TRIM9: variants seen among roughly 807,000 people sequenced by gnomAD.
The protein encoded by TRIM9 is tripartite motif containing 9.
A neutral mutation model predicts 78.3 loss-of-function variants in TRIM9; 26 were observed. The ratio of observed to expected loss-of-function variants is 0.33; its 90% CI spans 0.24 to 0.46. The LOEUF (loss-of-function observed/expected upper bound fraction) is 0.46, where lower values mean the gene tolerates loss of function less well. Among genes scored for constraint, TRIM9 ranks in the 20% least tolerant of loss-of-function variants. TRIM9 has a pLI of 1.00. For synonymous variants in TRIM9, 398 were observed against 416.5 expected, an observed-to-expected ratio of 0.96 and a Z score of 0.54; for missense variants, 787 against 1,036.4, an observed-to-expected ratio of 0.76 and a Z score of 3.30.
chr14:51,064,571 A>C (rs1444782688), intron 1 of TRIM9, among the ~76,000 whole-genome samples: 3 of 152,042 alleles, frequency 2.0e-5, no homozygotes, highest in Non-Finnish European at 2.9e-5. Context: ...AGAATAACAG[A>C]AATATTTCAA....
intron 1 of TRIM9, among the ~76,000 whole-genome samples, chr14:51,048,496 G>A (rs2060127410): frequency 6.6e-6 from 1 of 152,204 alleles, no homozygotes; most frequent in Non-Finnish European, 1.5e-5. Flanking sequence ...GTGTGTCCTA[G>A]TGAAAGTCAT....
chr14:51,088,498 T>C (rs767198779), intron 1 of TRIM9, among the ~76,000 whole-genome samples: 8 of 152,188 alleles, frequency 5.3e-5, no homozygotes, highest in Non-Finnish European at 1.0e-4. Flanking sequence ...AAAAGAATTG[T>C]GGAGTGCTCA....
chr14:51,044,719 A>C (rs1302489141), intron 1 of TRIM9, among the ~76,000 whole-genome samples: 1 of 152,206 alleles, frequency 6.6e-6, no homozygotes, highest in Non-Finnish European at 1.5e-5. Flanking sequence ...TGAGTGAAGA[A>C]TAAATCATGA....
In TRIM9 at chr14:51,067,100, T is replaced by C. The variant is rs574144317; in HGVS notation, c.822+27018A>G. Among the ~76,000 whole-genome samples the C allele has an allele frequency of 7.9e-5, 12 of 152,314 alleles. No homozygotes were observed. The South Asian group carries it at 2.5e-3, about 32-fold the overall frequency. On this transcript the variant is annotated intron_variant, in intron 1 of 12. Transcript: ENST00000684578. ...TGTACTCTCCATCTTCACCTGTATG[T>C]CTATGAGCACCTCAAATTTAACTTG...
chr14:51,006,724 G>T lies in TRIM9; in HGVS notation c.1306+2356C>A, dbSNP rs181635410. Among the ~76,000 whole-genome samples, 279 of 152,294 alleles carry T rather than the reference G, an allele frequency of 1.8e-3. 2 individuals are homozygous for T. The highest frequency in any genetic ancestry group is 0.017 in the Admixed American group (257 of 15,298). ...AAATGGCCTGTTAGGTTAACTTCAT[G>T]AATCATTGTTCTGTTTTTTGTGTGG... On this transcript the variant is annotated intron_variant, in intron 5 of 12. Transcript: ENST00000684578.
chr14:50,995,751 C>T (rs2054129428), intron 7 of TRIM9, among the ~76,000 whole-genome samples: 1 of 151,858 alleles, frequency 6.6e-6, no homozygotes, highest in Non-Finnish European at 1.5e-5. Flanking sequence ...CGCACCACCC[C>T]ACCACCCCCA....
chr14:51,026,658 T>A (rs1027216795), intron 1 of TRIM9, among the ~76,000 whole-genome samples: 4 of 152,190 alleles, frequency 2.6e-5, no homozygotes, highest in African/African-American at 9.6e-5. Context: ...GCTTTTCTCT[T>A]ATATTTGTCT....
chr14:50,988,338 T>C (rs9944003), intron 7 of TRIM9: 51,951 of 151,972 alleles, frequency 0.34, 9,338 homozygotes, highest in Middle Eastern at 0.41. Flanking sequence ...AAATTGTACT[T>C]ACCTTTTCTA....
chr14:51,066,020 T>A (rs116819918), intron 1 of TRIM9, among the ~76,000 whole-genome samples: 6 of 150,278 alleles, frequency 4.0e-5, no homozygotes, highest in Non-Finnish European at 8.9e-5. Context: ...ATTATTTTCA[T>A]TGGCGTGCAA....
chr14:50,977,466 A>C (rs2139251940), intron 12 of TRIM9, 113 bp from the exon 13 acceptor site: 1 of 740,944 alleles, frequency 1.3e-6, no homozygotes, highest in Non-Finnish European at 1.9e-6. Context: ...CTTCGCTTTA[A>C]ACATCTAGGC....
chr14:51,006,072 A>C (rs2055760953), intron 5 of TRIM9, among the ~76,000 whole-genome samples: 1 of 152,238 alleles, frequency 6.6e-6, no homozygotes, highest in Non-Finnish European at 1.5e-5. Context: ...TTTTGAAACC[A>C]GAGATGTTTG....
At chr14:51,073,780 T>A (rs2062513087) in intron 1 of TRIM9, among the ~76,000 whole-genome samples, 1 of 152,246 alleles carries the variant, frequency 6.6e-6, no homozygotes, top group Non-Finnish European at 1.5e-5. Context: ...CATGATTTCT[T>A]CACTAAAAAT....
intron 1 of TRIM9, among the ~76,000 whole-genome samples, chr14:51,081,381 T>G (rs1486854129): frequency 6.6e-6 from 1 of 152,186 alleles, no homozygotes; most frequent in Non-Finnish European, 1.5e-5. Flanking sequence ...ATTCGATCAC[T>G]CATACACTGC....
At chr14:50,998,239 G>A in intron 6 of TRIM9, 51 bp from the exon 7 acceptor site, 1 of 1,575,170 alleles carries the variant, frequency 6.3e-7, no homozygotes, top group Non-Finnish European at 8.7e-7. Context: ...CCTTCTGAGG[G>A]GCGAGGGAGG....
At chr14:51,093,851 C>T (rs966963542) in intron 1 of TRIM9, among the ~76,000 whole-genome samples, 11 of 152,262 alleles carry the variant, frequency 7.2e-5, no homozygotes, top group African/African-American at 2.7e-4. Flanking sequence ...AGGGGGCGCC[C>T]TGAGTCCCGC....
intron 1 of TRIM9, among the ~76,000 whole-genome samples, chr14:51,085,158 C>A (rs573730289): frequency 2.8e-4 from 43 of 152,260 alleles, no homozygotes; most frequent in South Asian, 2.5e-3. Flanking sequence ...TCTTAAAGTG[C>A]AGGCTGCAAG....
intron 1 of TRIM9, among the ~76,000 whole-genome samples, chr14:51,081,306 C>T (rs1004849255): frequency 3.3e-5 from 5 of 152,186 alleles, no homozygotes; most frequent in African/African-American, 1.2e-4. Flanking sequence ...CTTCACCTCA[C>T]ATCCACTAGA....
At chr14:50,986,201 C>T (rs986038942) in intron 7 of TRIM9, 57 bp from the exon 8 acceptor site, 12 of 1,356,672 alleles carry the variant, frequency 8.8e-6, no homozygotes, top group Non-Finnish European at 1.2e-5. Context: ...TGTCCCCGTG[C>T]ACGGTTCCCC....
intron 6 of TRIM9, among the ~76,000 whole-genome samples, chr14:50,999,092 C>T (rs1029364843): frequency 6.6e-6 from 1 of 152,118 alleles, no homozygotes; most frequent in Admixed American, 6.6e-5. Flanking sequence ...AGTTGCTGAT[C>T]CAGTAGGTGT....
Sources: gnomAD v4.1 joint callset for allele counts (sites outside exome capture counted in the v4.1 genomes callset) on GRCh38, gnomAD v4.1.1 for gene constraint, MANE v1.5 for transcripts, NCBI Gene and HGNC (gene_info 2026-07-23, HGNC 2026-07-21) for gene names.